ADAMTS20: variants seen among roughly 807,000 people sequenced by gnomAD.
ADAMTS20 encodes the protein ADAM metallopeptidase with thrombospondin type 1 motif 20.
In ADAMTS20, 225 loss-of-function variants were observed where a neutral mutation model predicts 260.1. The ratio of observed to expected loss-of-function variants is 0.87; its 90% CI spans 0.78 to 0.97. The LOEUF is 0.97. ADAMTS20 is among the 50% of genes least tolerant of loss of function. ADAMTS20 has a pLI of 0.00. For missense variants in ADAMTS20, 2,400 were observed against 2,337.7 expected (o/e 1.03, Z -0.55); for synonymous variants, 802 against 769.5 (o/e 1.04, Z -0.70).
At chr12:43,522,118 C>T (rs1943080065) in intron 3 of ADAMTS20, among the ~76,000 whole-genome samples, 1 of 152,162 alleles carries the variant, frequency 6.6e-6, no homozygotes, top group African/African-American at 2.4e-5. Flanking sequence ...GTTTAATTGA[C>T]TCAGTGCACC....
At chr12:43,439,539 A>G (rs1592069504) in intron 18 of ADAMTS20, 83 bp downstream of exon 18, 1 of 1,501,344 alleles carries the variant, frequency 6.7e-7, no homozygotes, top group East Asian at 2.3e-5. Flanking sequence ...GGAGGATTCC[A>G]TAGGCAGCCA....
At chr12:43,362,331 G>A (rs1157645027) in intron 37 of ADAMTS20, among the ~76,000 whole-genome samples, 2 of 152,196 alleles carry the variant, frequency 1.3e-5, no homozygotes, top group African/African-American at 4.8e-5. Context: ...AGCAGAGAAA[G>A]GACAGTCCTG....
intron 29 of ADAMTS20, among the ~76,000 whole-genome samples, chr12:43,394,115 C>T (rs190256017): frequency 2.7e-4 from 41 of 152,154 alleles, no homozygotes; most frequent in Admixed American, 2.7e-3. Flanking sequence ...ACAACAGAAT[C>T]ACAGAAATGC....
chr12:43,487,682 C>T (rs1261801776), intron 7 of ADAMTS20, among the ~76,000 whole-genome samples: 1 of 152,050 alleles, frequency 6.6e-6, no homozygotes, highest in Non-Finnish European at 1.5e-5. Context: ...AAAGTCTTAC[C>T]TAAACAGACA....
At chr12:43,392,768 C>A (rs1940621997) in intron 29 of ADAMTS20, among the ~76,000 whole-genome samples, 1 of 152,076 alleles carries the variant, frequency 6.6e-6, no homozygotes, top group African/African-American at 2.4e-5. Context: ...GTGATTGAAA[C>A]TCCTTTAGTT....
intron 28 of ADAMTS20, among the ~76,000 whole-genome samples, chr12:43,421,409 A>ACAC (rs902738873): frequency 2.0e-4 from 31 of 152,068 alleles, no homozygotes; most frequent in Non-Finnish European, 2.2e-4. Context: ...CACTGAATAC[A>ACAC]CACTATTTGT....
At chr12:43,384,037 T>G in intron 29 of ADAMTS20, 60 bp from the exon 30 acceptor site, 1 of 1,456,464 alleles carries the variant, frequency 6.9e-7, no homozygotes, top group Non-Finnish European at 9.2e-7. Context: ...TATATAAAAG[T>G]AGCCAATGGA....
intron 14 of ADAMTS20, among the ~76,000 whole-genome samples, chr12:43,448,344 A>G (rs1472545308): frequency 6.6e-6 from 1 of 152,234 alleles, no homozygotes; most frequent in Non-Finnish European, 1.5e-5. Flanking sequence ...CCATACAGCT[A>G]CAACCATCTG....
chr12:43,430,513 A>G (rs11182071), intron 22 of ADAMTS20, 42 bp from the exon 23 acceptor site: 541,404 of 1,560,078 alleles, frequency 0.35, 98,887 homozygotes, highest in East Asian at 0.72. Flanking sequence ...TTGTTTCCCA[A>G]AAGTTACACA....
rs530645839 is a variant in ADAMTS20 at position 43,459,440 on chromosome 12, C to T, written c.1614+3455G>A. On this transcript the variant is annotated intron_variant, in intron 11 of 38. Transcript: ENST00000389420. Reference sequence around the variant, plus strand: ...CAGCATGGCCCAAGATTCCATTCCTCGGAATCTGTGAGGCCAAGAACCCCA... The same window carrying T: ...CAGCATGGCCCAAGATTCCATTCCTTGGAATCTGTGAGGCCAAGAACCCCA... Among the ~76,000 whole-genome samples, 72 of 152,274 alleles carry T rather than the reference C, an allele frequency of 4.7e-4. No individual in the cohort carries two copies. The Middle Eastern group carries it at 0.01, about 22-fold the overall frequency.
intron 11 of ADAMTS20, among the ~76,000 whole-genome samples, chr12:43,459,678 G>A (rs1284509391): frequency 2.0e-5 from 3 of 152,132 alleles, no homozygotes; most frequent in Non-Finnish European, 4.4e-5. Context: ...AATCTTTGCT[G>A]ATTGAATGAA....
intron 26 of ADAMTS20, among the ~76,000 whole-genome samples, chr12:43,427,695 A>C (rs751405355): frequency 2.6e-5 from 4 of 152,216 alleles, no homozygotes; most frequent in Non-Finnish European, 5.9e-5. Context: ...TCAAGTTTGC[A>C]TTAGGAAACA....
chr12:43,435,935 T>G (rs1035808184), intron 18 of ADAMTS20, among the ~76,000 whole-genome samples: 2 of 152,146 alleles, frequency 1.3e-5, no homozygotes, highest in African/African-American at 4.8e-5. Flanking sequence ...AAGCAGTCAG[T>G]GACATGAACA....
chr12:43,457,289 G>C (rs559124538), intron 11 of ADAMTS20, among the ~76,000 whole-genome samples: 1 of 151,994 alleles, frequency 6.6e-6, no homozygotes, highest in East Asian at 1.9e-4. Context: ...TGTTTCTCCA[G>C]GCTCACATCT....
intron 28 of ADAMTS20, among the ~76,000 whole-genome samples, chr12:43,408,860 G>A (rs1257806608): frequency 6.6e-6 from 1 of 152,112 alleles, no homozygotes; most frequent in Non-Finnish European, 1.5e-5. Flanking sequence ...GCAGTACATG[G>A]GATTTGGTGT....
chr12:43,470,718 G>C (rs1219654679), intron 7 of ADAMTS20, among the ~76,000 whole-genome samples: 15 of 152,282 alleles, frequency 9.9e-5, no homozygotes, highest in African/African-American at 3.4e-4. Context: ...CATGGTCAGG[G>C]ACTGAGGCAA....
At chr12:43,490,945 T>G (rs1389972800) in intron 6 of ADAMTS20, among the ~76,000 whole-genome samples, 1 of 152,038 alleles carries the variant, frequency 6.6e-6, no homozygotes, top group Non-Finnish European at 1.5e-5. Flanking sequence ...ATCTGCTATC[T>G]CCAATCTCTC....
chr12:43,497,772 A>G (rs996423639), intron 4 of ADAMTS20, among the ~76,000 whole-genome samples: 1 of 152,148 alleles, frequency 6.6e-6, no homozygotes, highest in East Asian at 1.9e-4. Context: ...TATGCCTCTA[A>G]TAATAGTAAC....
At chr12:43,529,369 C>G (rs955426065) in intron 3 of ADAMTS20, among the ~76,000 whole-genome samples, 2 of 152,014 alleles carry the variant, frequency 1.3e-5, no homozygotes, top group Non-Finnish European at 2.9e-5. Flanking sequence ...TTATTGCAGT[C>G]AAATTCACAG....
Sources: allele counts gnomAD v4.1 joint callset (sites outside exome capture counted in the v4.1 genomes callset), GRCh38; gene constraint gnomAD v4.1.1; transcripts MANE v1.5; gene names NCBI Gene and HGNC (gene_info 2026-07-23, HGNC 2026-07-21).